PTPRT: variants seen among roughly 807,000 people sequenced by gnomAD.
PTPRT encodes receptor-type tyrosine-protein phosphatase T.
In PTPRT, 56 loss-of-function variants were observed where a neutral mutation model predicts 176.8. The ratio of observed to expected loss-of-function variants is 0.32; its 90% CI spans 0.26 to 0.40. The LOEUF (loss-of-function observed/expected upper bound fraction) is 0.40, where lower values mean the gene tolerates loss of function less well. Ranked by LOEUF, PTPRT falls within the 10% of genes least tolerant of loss-of-function variation. The pLI is 1.00. For synonymous variants in PTPRT, 783 were observed against 739.0 expected, an observed-to-expected ratio of 1.06 and a Z score of -0.96; for missense variants, 1,540 against 1,908.2, an observed-to-expected ratio of 0.81 and a Z score of 3.60.
intron 7 of PTPRT, among the ~76,000 whole-genome samples, chr20:42,544,931 G>A (rs921808480): frequency 3.3e-4 from 50 of 152,176 alleles, no homozygotes; most frequent in African/African-American, 1.2e-3. Flanking sequence ...TAGGCTACTG[G>A]TGTGAGCCAC....
At chr20:43,170,432 C>T (rs900064307) in intron 1 of PTPRT, among the ~76,000 whole-genome samples, 2 of 152,112 alleles carry the variant, frequency 1.3e-5, no homozygotes, top group Non-Finnish European at 1.5e-5. Flanking sequence ...ACAAGTCTGG[C>T]TTCAGAGCCC....
rs6093630 is a variant in PTPRT at position 42,358,388 on chromosome 20, T to C, written c.1561-6103A>G. ...AGGTGCTTGGCCATGTACTAAGCTCTAGAGAATCCTCAGGAACCTACAATT... is the reference window on the plus strand; with the variant it reads ...AGGTGCTTGGCCATGTACTAAGCTCCAGAGAATCCTCAGGAACCTACAATT... On this transcript the variant is annotated intron_variant, in intron 9 of 30. Coordinates refer to ENST00000373187, the MANE Select transcript of PTPRT (RefSeq NM_007050.6). Among the ~76,000 whole-genome samples, 1,222 of 152,288 alleles carry C rather than the reference T, an allele frequency of 8.0e-3. 16 individuals are homozygous for C. The highest frequency in any genetic ancestry group is 0.028 in the African/African-American group (1,172 of 41,568).
intron 15 of PTPRT, among the ~76,000 whole-genome samples, chr20:42,214,538 T>C (rs1036525698): frequency 3.3e-5 from 5 of 152,212 alleles, no homozygotes; most frequent in African/African-American, 9.7e-5. Flanking sequence ...ACAGACGTCA[T>C]GACAATTTGA....
rs376934797 is a variant in PTPRT at position 42,080,730 on chromosome 20, C to A, written c.*149G>T. 73 of 696,258 alleles carry A rather than the reference C, an allele frequency of 1.0e-4. 1 individual carries two copies. Among genetic ancestry groups the A allele is most frequent in the East Asian group, 6.9e-4 (26 of 37,554 alleles). 43.1% of individuals were successfully genotyped at this position (696,258 alleles called of 1,614,324 possible). ...GGAGACCCCTCAGAAGGTGCAGAGC[C>A]CCCCGTGGAACACAGGGCCACCAGT... On this transcript the variant is annotated 3_prime_UTR_variant, in exon 31 of 31. Coordinates refer to ENST00000373187, the MANE Select transcript of PTPRT (RefSeq NM_007050.6).
At position 42,952,013 on chromosome 20, in the gene PTPRT, C is replaced by A. The variant is rs1307028565; in HGVS notation, c.89-66081G>T. On this transcript the variant is annotated intron_variant, in intron 1 of 30. Transcript: ENST00000373187. ...GCACCCAAATCCCTGCTTCTTGAACCCGGGCTATGAGCTGTGAGGAATACT... is the reference window on the plus strand; with the variant it reads ...GCACCCAAATCCCTGCTTCTTGAACACGGGCTATGAGCTGTGAGGAATACT... Among the ~76,000 whole-genome samples the A allele has an allele frequency of 2.0e-5, 3 of 152,268 alleles. No homozygotes were observed. The East Asian group carries it at 5.8e-4, about 29-fold the overall frequency.
chr20:42,084,977 G>A (rs1983735338), intron 28 of PTPRT, 132 bp from the exon 29 acceptor site: 1 of 692,918 alleles, frequency 1.4e-6, no homozygotes, highest in Non-Finnish European at 2.0e-6. Context: ...TCCTCACGGG[G>A]AGAGTCCCCA....
Position 42,861,239 on chromosome 20 carries a change from G to C in PTPRT, c.214+24568C>G, listed in dbSNP as rs142551078. Among the ~76,000 whole-genome samples, 193 of 152,230 alleles carry C rather than the reference G, an allele frequency of 1.3e-3. 1 individual carries two copies. The East Asian group carries it at 0.035, about 28-fold the overall frequency. On this transcript the variant is annotated intron_variant, in intron 2 of 30. Transcript: ENST00000373187. ...CCCAGGGTGGTAATGGCTTCCCAAA[G>C]TTGCCAGTCCCTGGGTGCTTCACTA...
intron 11 of PTPRT, among the ~76,000 whole-genome samples, chr20:42,348,370 T>TTTATTTA (rs1555830098): frequency 1.4e-5 from 2 of 146,526 alleles, no homozygotes; most frequent in Non-Finnish European, 3.0e-5. Flanking sequence ...GTGACATTTC[T>TTTATTTA]TTTATTTATT....
intron 8 of PTPRT, among the ~76,000 whole-genome samples, chr20:42,449,229 G>A (rs969617719): frequency 6.6e-6 from 1 of 152,154 alleles, no homozygotes; most frequent in Non-Finnish European, 1.5e-5. Context: ...TGAAGTAGAT[G>A]CATAATAACT....
intron 14 of PTPRT, 54 bp downstream of exon 14, chr20:42,248,633 G>A: frequency 6.2e-7 from 1 of 1,600,334 alleles, no homozygotes; most frequent in South Asian, 1.1e-5. Flanking sequence ...CCACACAGCA[G>A]TGTTGAGGTC....
rs2145522184 is a variant in PTPRT, at chr20:42,352,088, A to G, written c.1758T>C (p.Ile586=). The G allele has an allele frequency of 6.2e-7, 1 of 1,613,562 alleles. No individual in the cohort carries two copies. Among genetic ancestry groups the G allele is most frequent in the Non-Finnish European group, 8.5e-7 (1 of 1,179,622 alleles). The change falls in exon 10 of 31, where the codon ATT becomes ATC. Residue 586 remains isoleucine, a synonymous_variant. Coordinates refer to ENST00000373187, the MANE Select transcript of PTPRT (RefSeq NM_007050.6). ...PPVTTRIATK[I]SAPSMPEYDT... ...TTTCCTTTCTAGCAGAGATACCTGA[A>G]ATTTTGGTGGCAATCCGAGTGGTGA...
chr20:42,058,878 C>T, the PTPRT span, among the ~76,000 whole-genome samples: 18 of 152,254 alleles, frequency 1.2e-4, no homozygotes, highest in African/African-American at 4.3e-4. Flanking sequence ...GCCCCAAAAG[C>T]TCACAAGGAT....
At chr20:42,980,243 C>T (rs974128510) in intron 1 of PTPRT, among the ~76,000 whole-genome samples, 2 of 152,030 alleles carry the variant, frequency 1.3e-5, no homozygotes. Flanking sequence ...CGGATGAAGC[C>T]GCTGGTGCAA....
intron 1 of PTPRT, among the ~76,000 whole-genome samples, chr20:43,051,429 G>A (rs1204300397): frequency 1.3e-5 from 2 of 152,056 alleles, no homozygotes; most frequent in Non-Finnish European, 2.9e-5. Context: ...ATGTGAATCT[G>A]TAATAACTAC....
intron 1 of PTPRT, among the ~76,000 whole-genome samples, chr20:43,074,446 T>G (rs1169533364): frequency 6.6e-6 from 1 of 152,238 alleles, no homozygotes; most frequent in Non-Finnish European, 1.5e-5. Flanking sequence ...AGCTTCCATA[T>G]GTCCATCATT....
intron 6 of PTPRT, among the ~76,000 whole-genome samples, chr20:42,725,930 C>T (rs747972042): frequency 3.9e-5 from 6 of 151,992 alleles, no homozygotes; most frequent in African/African-American, 7.2e-5. Context: ...CTTTTGATTA[C>T]GGTGGGCCCA....
rs2058770500 is a variant in PTPRT, at chr20:42,388,838, C to G, written c.1561-36553G>C. On this transcript the variant is annotated intron_variant, in intron 9 of 30. Transcript: ENST00000373187. Reference sequence around the variant, plus strand: ...GACGCATGCACACATATGTTTACTGCAGCACTATTCACTATGGCAAAGACT... The same window carrying G: ...GACGCATGCACACATATGTTTACTGGAGCACTATTCACTATGGCAAAGACT... Among the ~76,000 whole-genome samples, 3 of 152,136 alleles carry G rather than the reference C, an allele frequency of 2.0e-5. No homozygotes were observed. In the South Asian group the frequency reaches 6.2e-4, roughly 32 times the overall value.
chr20:42,545,962 G>A (rs1396961609), intron 7 of PTPRT, among the ~76,000 whole-genome samples: 1 of 151,844 alleles, frequency 6.6e-6, no homozygotes, highest in Admixed American at 6.6e-5. Flanking sequence ...TTCTATATTA[G>A]TTTAAATATC....
chr20:42,715,641 A>G (rs913383044), intron 6 of PTPRT, among the ~76,000 whole-genome samples: 3 of 152,170 alleles, frequency 2.0e-5, no homozygotes, highest in African/African-American at 7.2e-5. Flanking sequence ...ATTAAAAAAT[A>G]AAGAGACTTT....
Sources: gnomAD v4.1 joint callset for allele counts (sites outside exome capture counted in the v4.1 genomes callset) on GRCh38, gnomAD v4.1.1 for gene constraint, MANE v1.5 for transcripts, NCBI Gene and HGNC (gene_info 2026-07-23, HGNC 2026-07-21) for gene names.